Variants in GPHN observed in about 807,000 individuals in gnomAD.
The protein encoded by GPHN is gephyrin.
Under a neutral mutation model 95.5 loss-of-function variants are expected in GPHN, and 17 were observed. The ratio of observed to expected loss-of-function variants is 0.18; its 90% CI spans 0.12 to 0.27. The LOEUF (loss-of-function observed/expected upper bound fraction) is 0.27, where lower values mean the gene tolerates loss of function less well. Among genes scored for constraint, GPHN ranks in the 10% least tolerant of loss-of-function variants. The pLI is 1.00. For missense variants in GPHN, 660 were observed against 978.1 expected (o/e 0.67, Z 4.34); for synonymous variants, 320 against 322.5 (o/e 0.99, Z 0.08).
intron 3 of GPHN, among the ~76,000 whole-genome samples, chr14:66,797,991 A>T (rs1162744762): frequency 6.6e-6 from 1 of 151,918 alleles, no homozygotes; most frequent in African/African-American, 2.4e-5. Context: ...ATGCTCAGTT[A>T]TATTCAGTCT....
At chr14:67,530,068 T>C in the GPHN span, among the ~76,000 whole-genome samples, 1 of 152,174 alleles carries the variant, frequency 6.6e-6, no homozygotes, top group Non-Finnish European at 1.5e-5. Context: ...TGTCAACCAT[T>C]TCACCAGCTC....
intron 8 of GPHN, among the ~76,000 whole-genome samples, chr14:66,941,727 A>C (rs992385989): frequency 1.3e-5 from 2 of 152,162 alleles, no homozygotes; most frequent in African/African-American, 4.8e-5. Context: ...CCTGTTGCAA[A>C]AGAAAATGGA....
chr14:66,814,257 G>A (rs1034517988), intron 3 of GPHN, among the ~76,000 whole-genome samples: 26 of 152,042 alleles, frequency 1.7e-4, no homozygotes, highest in African/African-American at 5.6e-4. Context: ...CACAGAGAAG[G>A]CACCCAGATC....
chr14:67,287,033 CAGTGAAATCT>C, the GPHN span, among the ~76,000 whole-genome samples: 1 of 151,938 alleles, frequency 6.6e-6, no homozygotes, highest in South Asian at 2.1e-4. Flanking sequence ...GCTTGGGTGA[CAGTGAAATCT>C]TGTCTCTACA....
chr14:66,923,027 A>G (rs2066299279), intron 7 of GPHN, 89 bp downstream of exon 7: 1 of 1,074,340 alleles, frequency 9.3e-7, no homozygotes, highest in South Asian at 1.3e-5. Flanking sequence ...CCCTCCCTAC[A>G]TTTAATACTT....
intron 1 of GPHN, among the ~76,000 whole-genome samples, chr14:66,556,288 A>G (rs747375439): frequency 2.0e-5 from 3 of 152,188 alleles, no homozygotes; most frequent in Non-Finnish European, 4.4e-5. Context: ...ATTTTTTGCC[A>G]TATAGCATAG....
chr14:66,845,451 A>G (rs913833172), intron 4 of GPHN, among the ~76,000 whole-genome samples: 3 of 152,188 alleles, frequency 2.0e-5, no homozygotes, highest in African/African-American at 7.2e-5. Context: ...AATGACACAG[A>G]TCTTGGATGA....
At chr14:67,734,283 C>T in the GPHN span, 3 of 196,944 alleles carry the variant, frequency 1.5e-5, no homozygotes, top group Non-Finnish European at 2.1e-5. Flanking sequence ...ATATTTGCCA[C>T]CACCCTGGAG....
At chr14:66,835,932 G>A (rs2061785487) in intron 4 of GPHN, among the ~76,000 whole-genome samples, 1 of 146,918 alleles carries the variant, frequency 6.8e-6, no homozygotes, top group Admixed American at 6.8e-5. Context: ...ACTGCTCAAG[G>A]AAATAAAAGA....
Position 67,009,284 on chromosome 14 carries a change from T to C in GPHN, c.964-14349T>C, listed in dbSNP as rs762428188. Among the ~76,000 whole-genome samples, 4 of 152,314 alleles carry C rather than the reference T, an allele frequency of 2.6e-5. 1 individual carries two copies. The highest frequency in any genetic ancestry group is 6.8e-3 in the Middle Eastern group (2 of 294). On this transcript the variant is annotated intron_variant, in intron 9 of 22. Transcript: ENST00000478722. Reference sequence around the variant, plus strand: ...TGTGCTTCAAAGGAACAAAATGAGCTTGGCATAGCTGCTTTTATGTTCTGG... The same window carrying C: ...TGTGCTTCAAAGGAACAAAATGAGCCTGGCATAGCTGCTTTTATGTTCTGG...
At chr14:67,178,011 G>C (rs1201784126) in intron 21 of GPHN, among the ~76,000 whole-genome samples, 1 of 151,884 alleles carries the variant, frequency 6.6e-6, no homozygotes, top group African/African-American at 2.4e-5. Flanking sequence ...GGTCTTGACT[G>C]TCCAATTTGC....
chr14:67,219,311 G>A, the GPHN span, among the ~76,000 whole-genome samples: 1 of 152,246 alleles, frequency 6.6e-6, no homozygotes, highest in African/African-American at 2.4e-5. Context: ...TCCTGACTCT[G>A]GGCAGATCTA....
At chr14:67,389,761 A>G in the GPHN span, among the ~76,000 whole-genome samples, 7 of 150,600 alleles carry the variant, frequency 4.6e-5, no homozygotes, top group African/African-American at 2.5e-5. Flanking sequence ...ATACAAAACT[A>G]AAGTGTTTTT....
chr14:67,259,600 AGACT>A, the GPHN span, among the ~76,000 whole-genome samples: 3 of 152,016 alleles, frequency 2.0e-5, no homozygotes, highest in African/African-American at 7.2e-5. Flanking sequence ...CAACAGAGCA[AGACT>A]GTCTCTAAAT....
the GPHN span, among the ~76,000 whole-genome samples, chr14:67,717,166 A>G: frequency 6.6e-6 from 1 of 152,198 alleles, no homozygotes; most frequent in Admixed American, 6.5e-5. Flanking sequence ...TAAAATTTGT[A>G]TACAGTGAAA....
In GPHN at chr14:66,961,908, A is replaced by ATATATATATATATATAT. The variant is rs1567155559; in HGVS notation, c.829-3282_829-3266dup. On this transcript the variant is annotated intron_variant, in intron 8 of 22. Transcript: ENST00000478722. ...ATTCTATCCCTGAATGTGTATATAT[A>ATATATATATATATATAT]TATATATATATATATATATATATAT... 1.6e-4 allele frequency among the ~76,000 whole-genome samples: 12 copies of ATATATATATATATATAT among 76,716 alleles called. 1 individual carries two copies. The highest frequency in any genetic ancestry group is 4.5e-4 in the African/African-American group (12 of 26,476). 50.3% of individuals were successfully genotyped at this position (76,716 alleles called of 152,430 possible). A position where few individuals can be genotyped will look rare whatever the true frequency, so the allele number is the denominator to read the frequency against.
intron 5 of GPHN, among the ~76,000 whole-genome samples, chr14:66,895,435 C>T (rs1241122033): frequency 6.6e-6 from 1 of 152,086 alleles, no homozygotes; most frequent in African/African-American, 2.4e-5. Context: ...TGCAGCAAAC[C>T]AACATGGCAC....
intron 8 of GPHN, among the ~76,000 whole-genome samples, chr14:66,933,293 T>TTC (rs1193113192): frequency 6.6e-6 from 1 of 152,244 alleles, no homozygotes; most frequent in Admixed American, 6.5e-5. Flanking sequence ...CTTTGAATGC[T>TTC]TCTCTAGCAC....
chr14:66,971,510 T>A (rs2069775277), intron 9 of GPHN, among the ~76,000 whole-genome samples: 1 of 152,228 alleles, frequency 6.6e-6, no homozygotes, highest in South Asian at 2.1e-4. Context: ...TTTGCTTCTG[T>A]ATTAAGTCTT....
Sources: allele counts gnomAD v4.1 joint callset (sites outside exome capture counted in the v4.1 genomes callset), GRCh38; gene constraint gnomAD v4.1.1; transcripts MANE v1.5; gene names NCBI Gene and HGNC (gene_info 2026-07-23, HGNC 2026-07-21).